The following HMOX2 variants were observed in gnomAD, a reference collection of about 807,000 sequenced individuals.
HMOX2 encodes heme oxygenase (decycling) 2.
Under a neutral mutation model 33.7 loss-of-function variants are expected in HMOX2, and 30 were observed. That is an observed-to-expected ratio of 0.89 (90% CI 0.67 to 1.21). The LOEUF is 1.21. Among genes scored for constraint, HMOX2 ranks in the 50% most tolerant of loss-of-function variants. The pLI, the probability that HMOX2 is intolerant of heterozygous loss-of-function variation, is 0.00. For synonymous variants in HMOX2, 155 were observed against 155.0 expected, an observed-to-expected ratio of 1.00 and a Z score of 0.00; for missense variants, 403 against 399.1, an observed-to-expected ratio of 1.01 and a Z score of -0.08.
chr16:4,502,019 T>C (rs1044524920), intron 1 of HMOX2, among the ~76,000 whole-genome samples: 2 of 152,264 alleles, frequency 1.3e-5, no homozygotes, highest in African/African-American at 2.4e-5. Context: ...CGGTAGAACC[T>C]ATTTTGAGTG....
rs371541220 is a variant in HMOX2, at chr16:4,501,083, C to T, written c.-41-4401C>T. Among the ~76,000 whole-genome samples, 126 of 152,180 alleles carry T rather than the reference C, an allele frequency of 8.3e-4. 1 individual carries two copies. Among genetic ancestry groups the T allele is most frequent in the African/African-American group, 3.0e-3 (123 of 41,528 alleles). On this transcript the variant is annotated intron_variant, in intron 1 of 5. Transcript: ENST00000570646. ...CATTGACTAGTTAGTTAATGCAGTG[C>T]GGGATCTTAGCTGGTTTGCTTGGTC...
chr16:4,490,929 T>TGTGC (rs2058290471), intron 1 of HMOX2, among the ~76,000 whole-genome samples: 1 of 152,326 alleles, frequency 6.6e-6, no homozygotes, highest in South Asian at 2.1e-4. Context: ...TGTGTGTGTG[T>TGTGC]GTGCGTGCGT....
At chr16:4,484,037 C>T (rs2058100614) in intron 1 of HMOX2, among the ~76,000 whole-genome samples, 1 of 141,208 alleles carries the variant, frequency 7.1e-6, no homozygotes, top group Non-Finnish European at 1.5e-5. Context: ...TGCAGTGGTG[C>T]GATCTCGGCT....
chr16:4,508,022 C>G lies in HMOX2; in HGVS notation c.514C>G (p.Gln172Glu), dbSNP rs921371284. 1 of 1,613,796 alleles carries G rather than the reference C, an allele frequency of 6.2e-7. No homozygotes were observed. Among genetic ancestry groups the G allele is most frequent in the Non-Finnish European group, 8.5e-7 (1 of 1,179,968 alleles). Reference protein sequence around the residue: ...SGGQVLKKVAQRALKLPSTGE... With the variant: ...SGGQVLKKVAERALKLPSTGE... ...GGGCCAGGTGCTGAAGAAGGTGGCCCAGCGAGCACTGAAACTCCCCAGCAC... is the reference window on the plus strand; with the variant it reads ...GGGCCAGGTGCTGAAGAAGGTGGCCGAGCGAGCACTGAAACTCCCCAGCAC... The change falls in exon 4 of 6, where the codon CAG (glutamine) becomes GAG (glutamate). Residue 172 changes from glutamine (Q) to glutamate (E), a missense_variant. Coordinates refer to ENST00000570646, the MANE Select transcript of HMOX2 (RefSeq NM_002134.4).
At chr16:4,502,813 G>A (rs968231267) in intron 1 of HMOX2, 4 of 152,184 alleles carry the variant, frequency 2.6e-5, no homozygotes, top group Non-Finnish European at 4.4e-5. Context: ...CTGTCTCCCA[G>A]GCTCAAGAAA....
At chr16:4,504,242 G>A (rs1444471459) in intron 1 of HMOX2, among the ~76,000 whole-genome samples, 1 of 152,158 alleles carries the variant, frequency 6.6e-6, no homozygotes, top group African/African-American at 2.4e-5. Context: ...CCTCTCACAG[G>A]TAGGATGAAC....
At chr16:4,502,468 TGG>T (rs1448888542) in intron 1 of HMOX2, among the ~76,000 whole-genome samples, 2 of 152,160 alleles carry the variant, frequency 1.3e-5, no homozygotes, top group East Asian at 3.9e-4. Context: ...GTAAGAAGCA[TGG>T]GGCCTGTGGT....
intron 1 of HMOX2, chr16:4,496,322 C>G (rs2058419675): frequency 6.6e-6 from 1 of 152,096 alleles, no homozygotes; most frequent in African/African-American, 2.4e-5. Flanking sequence ...TGGGGTCTCA[C>G]CATGTTGGCC....
Position 4,489,078 on chromosome 16 carries a change from A to G in HMOX2, c.-42+12591A>G, listed in dbSNP as rs1040996257. ...TCTTTATATAAGGAGGGGGCAAGTA[A>G]CACAGTGTTATGCTACCAATCAGGC... is the stretch of plus-strand genomic sequence containing the variant. On this transcript the variant is annotated intron_variant, in intron 1 of 5. Coordinates refer to ENST00000570646, the MANE Select transcript of HMOX2 (RefSeq NM_002134.4). 2.7e-4 allele frequency among the ~76,000 whole-genome samples: 41 copies of G among 152,062 alleles called. 1 individual carries two copies. Among genetic ancestry groups the G allele is most frequent in the Non-Finnish European group, 4.4e-5 (3 of 67,994 alleles).
intron 1 of HMOX2, among the ~76,000 whole-genome samples, chr16:4,481,612 AATGGTACACCTT>A (rs2058034448): frequency 6.6e-6 from 1 of 152,166 alleles, no homozygotes; most frequent in African/African-American, 2.4e-5. Context: ...ATATTTATAG[AATGGTACACCTT>A]ATGTTATCTT....
Position 4,507,991 on chromosome 16 carries a change from C to T in HMOX2, c.483C>T (p.Leu161=), listed in dbSNP as rs760214987. 6.2e-7 allele frequency: 1 copy of T among 1,613,988 alleles called. No homozygotes were observed. Among genetic ancestry groups the T allele is most frequent in the Non-Finnish European group, 8.5e-7 (1 of 1,179,984 alleles). Residue 161 remains leucine (L), a synonymous_variant, in exon 4 of 6, where the codon CTC becomes CTT. Transcript: ENST00000570646. ...CATACACCCGCTACATGGGGGATCTCTCGGGGGGCCAGGTGCTGAAGAAGG... is the reference window on the plus strand; with the variant it reads ...CATACACCCGCTACATGGGGGATCTTTCGGGGGGCCAGGTGCTGAAGAAGG... ...AHAYTRYMGD[L]SGGQVLKKVA... is the part of the protein sequence containing the mutation.
At chr16:4,486,102 A>C (rs1201227473) in intron 1 of HMOX2, among the ~76,000 whole-genome samples, 1 of 152,192 alleles carries the variant, frequency 6.6e-6, no homozygotes, top group Non-Finnish European at 1.5e-5. Flanking sequence ...AGGGATTTGC[A>C]ACCAAAAAAG....
intron 1 of HMOX2, chr16:4,495,489 A>T (rs2058396425): frequency 6.6e-6 from 1 of 152,224 alleles, no homozygotes; most frequent in Admixed American, 6.5e-5. Flanking sequence ...CTGGGCAGTC[A>T]TTGTGAAGAA....
At chr16:4,508,338 AC>A (rs1445920828) in intron 4 of HMOX2, 134 bp downstream of exon 4, 15 of 1,043,992 alleles carry the variant, frequency 1.4e-5, no homozygotes, top group Middle Eastern at 3.2e-4. Context: ...GAAGGTGGCC[AC>A]CAGATTGGCC....
chr16:4,475,176 C>T (rs775296177), upstream of HMOX2, among the ~76,000 whole-genome samples: 1 of 151,890 alleles, frequency 6.6e-6, no homozygotes, highest in Non-Finnish European at 1.5e-5. Context: ...AGGTCTCGAA[C>T]TCCTGACTTA....
At chr16:4,484,330 G>A (rs2058108583) in intron 1 of HMOX2, among the ~76,000 whole-genome samples, 2 of 152,060 alleles carry the variant, frequency 1.3e-5, no homozygotes, top group South Asian at 4.1e-4. Flanking sequence ...CCTAAAGGTA[G>A]AAGGATCAAG....
intron 1 of HMOX2, among the ~76,000 whole-genome samples, chr16:4,481,110 G>C (rs943385156): frequency 1.3e-5 from 2 of 151,540 alleles, no homozygotes; most frequent in Non-Finnish European, 2.9e-5. Flanking sequence ...ACTTTGGGAG[G>C]CGGAGGCGGG....
chr16:4,493,195 A>AC (rs1231676524), intron 1 of HMOX2, among the ~76,000 whole-genome samples: 1 of 151,210 alleles, frequency 6.6e-6, no homozygotes, highest in African/African-American at 2.4e-5. Context: ...CACTCCCTCC[A>AC]CCCCCGTCTG....
Position 4,508,052 on chromosome 16 carries a change from G to A in HMOX2, c.544G>A (p.Glu182Lys), listed in dbSNP as rs567262048. 6.2e-7 allele frequency: 1 copy of A among 1,614,158 alleles called. No individual in the cohort carries two copies. Among genetic ancestry groups the A allele is most frequent in the African/African-American group, 1.3e-5 (1 of 75,046 alleles). The change falls in exon 4 of 6, where the codon GAA becomes AAA. Residue 182 changes from glutamate (E) to lysine (K), a missense_variant. Physicochemically the swap from Glu to Lys is moderately conservative, Grantham distance 56. Coordinates refer to ENST00000570646, the MANE Select transcript of HMOX2 (RefSeq NM_002134.4). ...QRALKLPSTG[E>K]GTQFYLFENV... ...AGCACTGAAACTCCCCAGCACAGGG[G>A]AAGGGACCCAGTTCTACCTGTTTGA...
Sources: allele counts gnomAD v4.1 joint callset (sites outside exome capture counted in the v4.1 genomes callset), GRCh38; gene constraint gnomAD v4.1.1; transcripts MANE v1.5; gene names NCBI Gene and HGNC (gene_info 2026-07-23, HGNC 2026-07-21).